The following SVEP1 variants were observed in gnomAD, a reference collection of about 807,000 sequenced individuals.
SVEP1 encodes the protein sushi, von Willebrand factor type A, EGF and pentraxin domain containing 1.
SVEP1 carries 164 observed loss-of-function variants against 367.3 expected under a neutral mutation model. The ratio of observed to expected loss-of-function variants is 0.45; its 90% confidence interval spans 0.39 to 0.51. SVEP1 has a LOEUF of 0.51. SVEP1 is among the 20% of genes least tolerant of loss of function. The probability of loss-of-function intolerance (pLI) is 0.00; values close to 1 mark genes in which losing one functional copy is unlikely to be tolerated. For missense variants in SVEP1, 4,117 were observed against 4,425.3 expected (o/e 0.93, Z 1.98); for synonymous variants, 1,666 against 1,611.6 (o/e 1.03, Z -0.81).
At chr9:110,524,702 T>C (rs192190876) in intron 3 of SVEP1, among the ~76,000 whole-genome samples, 262 of 146,640 alleles carry the variant, frequency 1.8e-3, no homozygotes, top group Non-Finnish European at 3.2e-3. Flanking sequence ...CATACAAATG[T>C]TATTATTATT....
At chr9:110,489,086 C>T (rs758890274) in intron 9 of SVEP1, among the ~76,000 whole-genome samples, 74 of 151,940 alleles carry the variant, frequency 4.9e-4, no homozygotes, top group Non-Finnish European at 7.6e-4. Context: ...CATGTGGGCT[C>T]ATATGGGAAG....
chr9:110,424,672 TTTTTG>T (rs929469634), intron 36 of SVEP1, among the ~76,000 whole-genome samples: 6 of 152,184 alleles, frequency 3.9e-5, no homozygotes, highest in African/African-American at 7.2e-5. Flanking sequence ...TTTTTTGGCA[TTTTTG>T]TTTTGTTTTG....
chr9:110,377,102 C>T (rs1302130837), intron 45 of SVEP1, 169 bp downstream of exon 45: 1 of 480,722 alleles, frequency 2.1e-6, no homozygotes, highest in South Asian at 5.0e-5. Flanking sequence ...CATTAATATT[C>T]TAGATCTTCT....
intron 8 of SVEP1, among the ~76,000 whole-genome samples, chr9:110,492,924 G>A (rs1829391419): frequency 6.6e-6 from 1 of 152,130 alleles, no homozygotes. Context: ...TAGACAGGTG[G>A]CTGCATCTCT....
chr9:110,501,612 C>T (rs990210430), intron 6 of SVEP1, among the ~76,000 whole-genome samples: 4 of 151,992 alleles, frequency 2.6e-5, no homozygotes, highest in African/African-American at 4.8e-5. Flanking sequence ...TAGTACTAAA[C>T]AATGTGAGCA....
At chr9:110,556,596 G>T (rs1286544952) in intron 1 of SVEP1, among the ~76,000 whole-genome samples, 1 of 152,140 alleles carries the variant, frequency 6.6e-6, no homozygotes, top group Non-Finnish European at 1.5e-5. Flanking sequence ...ATGGGTTCAA[G>T]CAATTCTCCT....
chr9:110,471,708 G>A (rs1033881848), intron 15 of SVEP1, 111 bp from the exon 16 acceptor site: 2 of 737,780 alleles, frequency 2.7e-6, no homozygotes, highest in Non-Finnish European at 4.4e-6. Context: ...GTACTAATAA[G>A]TGGTCTATAG....
At chr9:110,423,972 A>T (rs1828214440) in intron 36 of SVEP1, among the ~76,000 whole-genome samples, 1 of 152,242 alleles carries the variant, frequency 6.6e-6, no homozygotes, top group Non-Finnish European at 1.5e-5. Flanking sequence ...TGAAATTGGA[A>T]AGAAGAATCA....
intron 9 of SVEP1, among the ~76,000 whole-genome samples, chr9:110,488,976 T>C (rs1029251855): frequency 6.6e-6 from 1 of 152,304 alleles, no homozygotes; most frequent in Middle Eastern, 3.4e-3. Flanking sequence ...GTGACTTTGA[T>C]GACAGTAGTT....
At chr9:110,381,173 G>A (rs769333005) in intron 43 of SVEP1, among the ~76,000 whole-genome samples, 5 of 151,758 alleles carry the variant, frequency 3.3e-5, no homozygotes, top group Non-Finnish European at 7.4e-5. Flanking sequence ...TTAATTGATT[G>A]TTTTGAAGGG....
At chr9:110,487,303 A>T (rs180894211) in intron 9 of SVEP1, among the ~76,000 whole-genome samples, 1 of 152,316 alleles carries the variant, frequency 6.6e-6, no homozygotes, top group South Asian at 2.1e-4. Context: ...GTAGTCACTC[A>T]AGTACACATT....
chr9:110,383,358 C>T (rs936738449), intron 43 of SVEP1, among the ~76,000 whole-genome samples: 2 of 152,152 alleles, frequency 1.3e-5, no homozygotes. Flanking sequence ...GGGGTCCACT[C>T]CAGACCCTAT....
rs377108493 is a variant in SVEP1 at position 110,411,121 on chromosome 9, G to A, written c.6590C>T (p.Pro2197Leu). 1.0e-4 allele frequency: 164 copies of A among 1,611,596 alleles called. No homozygotes were observed. In the Admixed American group the frequency reaches 1.2e-3, roughly 12 times the overall value. ...EATGQWSSPI[P>L]TCHPVSCGEP... ...ACCACAAGATACCGGGTGGCACGTCGGTATAGGACTACTCCACTGCCCTGT... is the reference window on the plus strand; with the variant it reads ...ACCACAAGATACCGGGTGGCACGTCAGTATAGGACTACTCCACTGCCCTGT... Residue 2197 changes from proline (P) to leucine (L), a missense_variant, in exon 37 of 48, where the codon CCG (proline) becomes CTG (leucine). Around this residue, in one of 4 missense-constraint regions of SVEP1, gnomAD observed 1,765 missense variants for 1,781.1 expected, o/e 0.99. Transcript: ENST00000374469.
In SVEP1 at chr9:110,478,626, C is replaced by T. The variant is rs149500200; in HGVS notation, c.2487+1009G>A. On this transcript the variant is annotated intron_variant, in intron 13 of 47. Coordinates refer to ENST00000374469, the MANE Select transcript of SVEP1 (RefSeq NM_153366.4). ...TCTATAGTAACAGAGGCCTAATGGG[C>T]GCAATATTTTCTTGGTTTGCTAGTA... 3.0e-3 allele frequency among the ~76,000 whole-genome samples: 450 copies of T among 152,184 alleles called. 3 individuals are homozygous for T. The highest frequency in any genetic ancestry group is 0.01 in the African/African-American group (436 of 41,526).
intron 9 of SVEP1, among the ~76,000 whole-genome samples, chr9:110,484,394 C>A (rs10120510): frequency 0.18 from 27,429 of 152,068 alleles, 3,059 homozygotes; most frequent in South Asian, 0.27. Flanking sequence ...GGAATTCTGG[C>A]TGAAGGGTGG....
intron 1 of SVEP1, among the ~76,000 whole-genome samples, chr9:110,570,045 T>C (rs1321677162): frequency 6.6e-6 from 1 of 152,214 alleles, no homozygotes; most frequent in Non-Finnish European, 1.5e-5. Context: ...TGTAACAACA[T>C]TCATGCTAAA....
chr9:110,484,921 A>C (rs1829253582), intron 9 of SVEP1, among the ~76,000 whole-genome samples: 1 of 152,226 alleles, frequency 6.6e-6, no homozygotes, highest in Non-Finnish European at 1.5e-5. Flanking sequence ...GATTATTAAA[A>C]AGTCAAGAAA....
Position 110,450,155 on chromosome 9 carries a change from C to G in SVEP1, c.4007G>C (p.Gly1336Ala). 1 of 1,613,900 alleles carries G rather than the reference C, an allele frequency of 6.2e-7. No homozygotes were observed. The part of the protein sequence containing the change: ...VGGFLCKCPP[G>A]FLGTRCGKNV... ...CTTTCCACATCGGGTACCCAAAAAT[C>G]CAGGTGGGCATTTGCACAAGAATCC... is the stretch of plus-strand genomic sequence containing the variant. Residue 1336 changes from glycine (G) to alanine (A), a missense_variant, in exon 24 of 48, where the codon GGA (glycine) becomes GCA (alanine). Transcript: ENST00000374469.
intron 8 of SVEP1, among the ~76,000 whole-genome samples, chr9:110,491,006 G>A (rs1829358176): frequency 6.6e-6 from 1 of 151,620 alleles, no homozygotes; most frequent in Non-Finnish European, 1.5e-5. Context: ...AATATTTGAT[G>A]GTAGTTTTTT....
Sources: gnomAD v4.1 joint callset for allele counts (sites outside exome capture counted in the v4.1 genomes callset) on GRCh38, gnomAD v4.1.1 for gene constraint, gnomAD v4.1.1 regional missense constraint, MANE v1.5 for transcripts, NCBI Gene and HGNC (gene_info 2026-07-23, HGNC 2026-07-21) for gene names.